CRPPA: variants seen among roughly 807,000 people sequenced by gnomAD.
CRPPA encodes the protein D-ribitol-5-phosphate cytidylyltransferase.
In CRPPA, 43 loss-of-function variants were observed where a neutral mutation model predicts 52.0. That is an observed-to-expected ratio of 0.83 (90% CI 0.65 to 1.07). The LOEUF (loss-of-function observed/expected upper bound fraction) is 1.07, where lower values mean the gene tolerates loss of function less well. Among genes scored for constraint, CRPPA ranks in the 50% least tolerant of loss-of-function variants. The pLI, the probability that CRPPA is intolerant of heterozygous loss-of-function variation, is 0.00. For synonymous variants in CRPPA, 250 were observed against 203.5 expected (o/e 1.23, Z -1.94); for missense variants, 629 against 551.7 (o/e 1.14, Z -1.40).
intron 3 of CRPPA, among the ~76,000 whole-genome samples, chr7:16,318,373 T>G (rs1348938686): frequency 1.3e-5 from 2 of 152,064 alleles, no homozygotes; most frequent in African/African-American, 4.8e-5. Flanking sequence ...GACCCAAATA[T>G]CTCTACAAGG....
chr7:16,242,055 T>C (rs899055276), intron 8 of CRPPA, among the ~76,000 whole-genome samples: 1 of 145,696 alleles, frequency 6.9e-6, no homozygotes, highest in Non-Finnish European at 1.5e-5. Flanking sequence ...GTTCCAGCGA[T>C]TCTTCTGCCT....
intron 9 of CRPPA, among the ~76,000 whole-genome samples, chr7:16,193,445 C>T (rs61392375): frequency 0.012 from 1,839 of 152,128 alleles, 42 homozygotes; most frequent in African/African-American, 0.043. Context: ...GTGAAATTAA[C>T]ATTTTACATA....
chr7:16,208,986 G>A (rs370866025), intron 9 of CRPPA: 18 of 419,328 alleles, frequency 4.3e-5, no homozygotes, highest in African/African-American at 3.7e-4. Flanking sequence ...TCTGTGAGAA[G>A]TGTGGCAAGC....
chr7:16,416,675 C>A (rs7810902), intron 1 of CRPPA, among the ~76,000 whole-genome samples: 1,988 of 131,316 alleles, frequency 0.015, 56 homozygotes, highest in African/African-American at 0.053. Flanking sequence ...TTTCTACAAA[C>A]AAATACAAAA....
rs76836865 is a variant in CRPPA, at chr7:16,129,668, G to C, written c.1252-37869C>G. On this transcript the variant is annotated intron_variant, in intron 9 of 9. Transcript: ENST00000407010. ...GCTCAGTACATATTTTATTGTCAAG[G>C]AGAGGGGAGCTAAGCAAGATTTGTA... Among the ~76,000 whole-genome samples, 999 of 152,210 alleles carry C rather than the reference G, an allele frequency of 6.6e-3. 10 individuals carry two copies. Among genetic ancestry groups the C allele is most frequent in the African/African-American group, 0.023 (938 of 41,530 alleles).
At chr7:16,368,066 AAC>A (rs1370379402) in intron 3 of CRPPA, among the ~76,000 whole-genome samples, 1 of 152,202 alleles carries the variant, frequency 6.6e-6, no homozygotes, top group Non-Finnish European at 1.5e-5. Context: ...CAGGTCTCTG[AAC>A]AATAAAATTC....
At chr7:16,358,737 G>A (rs1014754462) in intron 3 of CRPPA, among the ~76,000 whole-genome samples, 14 of 152,050 alleles carry the variant, frequency 9.2e-5, no homozygotes, top group African/African-American at 3.1e-4. Context: ...AATTCCACTT[G>A]TCCAAAATAT....
intron 8 of CRPPA, among the ~76,000 whole-genome samples, chr7:16,242,140 G>A (rs534932479): frequency 1.8e-4 from 28 of 151,680 alleles, no homozygotes; most frequent in Non-Finnish European, 3.2e-4. Context: ...ATTTTTAGTA[G>A]AGATGGGATT....
At chr7:16,367,824 C>T (rs932198578) in intron 3 of CRPPA, among the ~76,000 whole-genome samples, 1 of 152,124 alleles carries the variant, frequency 6.6e-6, no homozygotes. Flanking sequence ...TAAACAGGCA[C>T]TTAAAAAATA....
chr7:16,366,513 T>G (rs1159890407), intron 3 of CRPPA, among the ~76,000 whole-genome samples: 1 of 152,158 alleles, frequency 6.6e-6, no homozygotes, highest in Non-Finnish European at 1.5e-5. Flanking sequence ...TTATAGAAAC[T>G]CACAGAAACT....
At chr7:16,399,680 C>G (rs1787742649) in intron 2 of CRPPA, among the ~76,000 whole-genome samples, 1 of 151,700 alleles carries the variant, frequency 6.6e-6, no homozygotes, top group African/African-American at 2.4e-5. Context: ...GACGCATGAC[C>G]AGTGACACGT....
chr7:16,172,448 G>C lies in CRPPA; in HGVS notation c.1251+43618C>G, dbSNP rs150957420. 3.0e-3 allele frequency among the ~76,000 whole-genome samples: 450 copies of C among 152,264 alleles called. 3 individuals carry two copies. Among genetic ancestry groups the C allele is most frequent in the African/African-American group, 0.01 (433 of 41,560 alleles). ...CAGGGAGTCTAGAAGGAAATTTCTT[G>C]CTGTAGTTACAGTCCAATCAGCCAA... On this transcript the variant is annotated intron_variant, in intron 9 of 9. Transcript: ENST00000407010.
chr7:16,289,154 G>T (rs1481578915), intron 5 of CRPPA, among the ~76,000 whole-genome samples: 1 of 151,988 alleles, frequency 6.6e-6, no homozygotes, highest in Non-Finnish European at 1.5e-5. Context: ...GATCGAAAGA[G>T]GAGGAAATAG....
intron 8 of CRPPA, among the ~76,000 whole-genome samples, chr7:16,256,740 A>C (rs1783651313): frequency 6.6e-6 from 1 of 152,082 alleles, no homozygotes; most frequent in Non-Finnish European, 1.5e-5. Flanking sequence ...AAGGAGGGGA[A>C]CATCACACAC....
chr7:16,401,953 A>G (rs1477892398), intron 2 of CRPPA, among the ~76,000 whole-genome samples: 1 of 152,190 alleles, frequency 6.6e-6, no homozygotes, highest in Non-Finnish European at 1.5e-5. Flanking sequence ...AAACAACCTG[A>G]TAGTTAGCAA....
chr7:16,255,662 T>C (rs545662111), intron 8 of CRPPA, among the ~76,000 whole-genome samples: 164 of 152,262 alleles, frequency 1.1e-3, no homozygotes, highest in South Asian at 4.6e-3. Context: ...ATCTGATCTT[T>C]CACAAACCCG....
intron 9 of CRPPA, among the ~76,000 whole-genome samples, chr7:16,154,956 C>A (rs956939472): frequency 6.8e-6 from 1 of 146,682 alleles, no homozygotes; most frequent in Non-Finnish European, 1.5e-5. Context: ...ATGCACCACA[C>A]ACCCAGCTAA....
intron 8 of CRPPA, among the ~76,000 whole-genome samples, chr7:16,230,459 G>T (rs906080915): frequency 1.3e-5 from 2 of 151,734 alleles, no homozygotes; most frequent in Non-Finnish European, 2.9e-5. Flanking sequence ...TTGATTTTTT[G>T]AAAATTGTTT....
At chr7:16,219,395 G>C (rs1303333550) in intron 8 of CRPPA, among the ~76,000 whole-genome samples, 2 of 112,050 alleles carry the variant, frequency 1.8e-5, no homozygotes, top group Non-Finnish European at 3.7e-5. Context: ...AGAAAAGCAA[G>C]AGCAAACACA....
Sources: allele counts gnomAD v4.1 joint callset (sites outside exome capture counted in the v4.1 genomes callset), GRCh38; gene constraint gnomAD v4.1.1; transcripts MANE v1.5; gene names NCBI Gene and HGNC (gene_info 2026-07-23, HGNC 2026-07-21).